KLF8: variants seen among roughly 807,000 people sequenced by gnomAD.
The protein encoded by KLF8 is KLF transcription factor 8.
KLF8 carries 10 observed loss-of-function variants against 18.2 expected under a neutral mutation model. The observed-to-expected ratio is 0.55, with a 90% confidence interval of 0.34 to 0.93. The LOEUF (loss-of-function observed/expected upper bound fraction) is 0.93. Ranked by LOEUF, KLF8 falls within the 40% of genes least tolerant of loss-of-function variation. The pLI is 0.02. For missense variants in KLF8, 264 were observed against 277.9 expected, an observed-to-expected ratio of 0.95 and a Z score of 0.36; for synonymous variants, 109 against 97.3, an observed-to-expected ratio of 1.12 and a Z score of -0.71.
chrX:56,202,762 TC>T, the KLF8 span, among the ~76,000 whole-genome samples: 1 of 111,339 alleles, frequency 9.0e-6, no homozygotes, highest in Non-Finnish European at 1.9e-5. Flanking sequence ...TGAATATCAT[TC>T]TTTTTGTGGC....
the KLF8 span, among the ~76,000 whole-genome samples, chrX:56,185,717 A>G: frequency 8.9e-6 from 1 of 112,105 alleles, no homozygotes; most frequent in Non-Finnish European, 1.9e-5. Flanking sequence ...GGGGGCCAAT[A>G]TTCAACATTC....
At chrX:56,160,776 T>C in the KLF8 span, among the ~76,000 whole-genome samples, 4 of 111,479 alleles carry the variant, frequency 3.6e-5, no homozygotes, top group African/African-American at 1.3e-4. Flanking sequence ...TTTGAGCCTA[T>C]GTGTGTCTCT....
chrX:55,946,747 C>A, the KLF8 span, among the ~76,000 whole-genome samples: 1 of 110,746 alleles, frequency 9.0e-6, no homozygotes, highest in Non-Finnish European at 1.9e-5. Flanking sequence ...TCTGACAAAG[C>A]GCTAATATCC....
the KLF8 span, among the ~76,000 whole-genome samples, chrX:56,184,073 G>A: frequency 8.9e-6 from 1 of 112,556 alleles, no homozygotes; most frequent in East Asian, 2.8e-4. Context: ...GTGAGGCATT[G>A]CCTCACATGA....
the KLF8 span, among the ~76,000 whole-genome samples, chrX:56,151,437 G>C: frequency 6.3e-5 from 7 of 111,621 alleles, no homozygotes; most frequent in Non-Finnish European, 9.4e-5. Flanking sequence ...ATGAAGAGAA[G>C]TGAACAGACT....
chrX:56,175,583 G>A, the KLF8 span, among the ~76,000 whole-genome samples: 1 of 111,630 alleles, frequency 9.0e-6, no homozygotes, highest in African/African-American at 3.3e-5. Context: ...GTTGATTTTG[G>A]GGTGGAGAGT....
chrX:55,984,706 C>T, the KLF8 span, among the ~76,000 whole-genome samples: 2 of 111,406 alleles, frequency 1.8e-5, no homozygotes, highest in Non-Finnish European at 3.8e-5. Flanking sequence ...GCCACACTCT[C>T]TTCCACAATG....
At chrX:56,274,118 A>G (rs775366706) in intron 5 of KLF8, among the ~76,000 whole-genome samples, 2 of 111,976 alleles carry the variant, frequency 1.8e-5, no homozygotes, top group Admixed American at 1.9e-4. Flanking sequence ...TAGTGATTGT[A>G]CTAATTTATA....
At chrX:56,167,217 G>A in the KLF8 span, among the ~76,000 whole-genome samples, 1 of 111,313 alleles carries the variant, frequency 9.0e-6, no homozygotes, top group Non-Finnish European at 1.9e-5. Flanking sequence ...TGCAACCACC[G>A]CCTCCTGGGT....
At chrX:56,215,258 T>A in the KLF8 span, among the ~76,000 whole-genome samples, 1 of 112,108 alleles carries the variant, frequency 8.9e-6, no homozygotes, top group East Asian at 2.8e-4. Flanking sequence ...AATGAGCCAG[T>A]CATCACTATT....
chrX:56,043,356 G>T, the KLF8 span, among the ~76,000 whole-genome samples: 1 of 110,455 alleles, frequency 9.1e-6, no homozygotes, highest in Non-Finnish European at 1.9e-5. Context: ...GTGAATGTTT[G>T]CCTGTCTTGC....
chrX:56,056,793 G>GTA, the KLF8 span, among the ~76,000 whole-genome samples: 84 of 72,383 alleles, frequency 1.2e-3, no homozygotes, highest in East Asian at 4.3e-3. Flanking sequence ...AAAACTTAAA[G>GTA]TATATATAAA....
chrX:56,052,495 C>T, the KLF8 span, among the ~76,000 whole-genome samples: 1 of 111,760 alleles, frequency 8.9e-6, no homozygotes, highest in Non-Finnish European at 1.9e-5. Flanking sequence ...ACAGACAGGA[C>T]CCTCAGCTGC....
chrX:55,908,712 G>A, the KLF8 span: 2 of 287,089 alleles, frequency 7.0e-6, no homozygotes, highest in Non-Finnish European at 1.2e-5. Context: ...GAGGACCCCG[G>A]GTCCAAGAGC....
At chrX:56,073,677 C>A in the KLF8 span, among the ~76,000 whole-genome samples, 1 of 111,011 alleles carries the variant, frequency 9.0e-6, no homozygotes, top group East Asian at 2.8e-4. Flanking sequence ...TTTGATTAAA[C>A]CTAAGTTGGT....
chrX:55,949,543 C>T, the KLF8 span, among the ~76,000 whole-genome samples: 1 of 110,815 alleles, frequency 9.0e-6, no homozygotes, highest in African/African-American at 3.3e-5. Flanking sequence ...CCTGTAATCC[C>T]AGCACTTTGG....
At chrX:56,133,363 A>T in the KLF8 span, among the ~76,000 whole-genome samples, 4 of 112,246 alleles carry the variant, frequency 3.6e-5, no homozygotes, top group Admixed American at 9.5e-5. Flanking sequence ...GGTTTAACTT[A>T]TGCAAGTAAA....
At chrX:55,988,801 T>C in the KLF8 span, among the ~76,000 whole-genome samples, 10 of 111,866 alleles carry the variant, frequency 8.9e-5, no homozygotes, top group African/African-American at 6.5e-5. Flanking sequence ...GCAGTATGGC[T>C]GTTTTCATGA....
the KLF8 span, among the ~76,000 whole-genome samples, chrX:56,043,876 G>T: frequency 2.1e-4 from 24 of 112,531 alleles, no homozygotes; most frequent in Non-Finnish European, 4.3e-4. Flanking sequence ...TGGAAGAGAA[G>T]AGGCACTCTG....
Sources: allele counts gnomAD v4.1 joint callset (sites outside exome capture counted in the v4.1 genomes callset), GRCh38; gene constraint gnomAD v4.1.1; transcripts MANE v1.5; gene names NCBI Gene and HGNC (gene_info 2026-07-23, HGNC 2026-07-21).